CTNNA3: variants seen among roughly 807,000 people sequenced by gnomAD.
CTNNA3 encodes the protein catenin alpha-3.
Under a neutral mutation model 95.7 loss-of-function variants are expected in CTNNA3, and 76 were observed. The observed-to-expected ratio is 0.79, with a 90% CI of 0.66 to 0.96. The LOEUF is 0.96. Ranked by LOEUF, CTNNA3 falls within the 40% of genes least tolerant of loss-of-function variation. CTNNA3 has a pLI of 0.00. For missense variants in CTNNA3, 1,191 were observed against 1,089.8 expected (o/e 1.09, Z -1.31); for synonymous variants, 431 against 374.4 (o/e 1.15, Z -1.74).
intron 12 of CTNNA3, among the ~76,000 whole-genome samples, chr10:66,338,086 G>A (rs1400290546): frequency 6.6e-6 from 1 of 151,880 alleles, no homozygotes; most frequent in Admixed American, 6.6e-5. Context: ...CATAAAATGT[G>A]GTATATCTGC....
intron 12 of CTNNA3, among the ~76,000 whole-genome samples, chr10:66,332,145 G>A (rs2092338235): frequency 6.6e-6 from 1 of 151,976 alleles, no homozygotes; most frequent in Non-Finnish European, 1.5e-5. Flanking sequence ...GAGATTGTGG[G>A]CTGAGACAAT....
chr10:67,485,444 T>C (rs1848407707), intron 5 of CTNNA3, among the ~76,000 whole-genome samples: 1 of 152,108 alleles, frequency 6.6e-6, no homozygotes, highest in Non-Finnish European at 1.5e-5. Flanking sequence ...CCTTAGCAGC[T>C]TGCAATATAA....
intron 1 of CTNNA3, among the ~76,000 whole-genome samples, chr10:67,709,111 GTAGA>G (rs1841093278): frequency 2.0e-5 from 3 of 152,078 alleles, no homozygotes; most frequent in Non-Finnish European, 2.9e-5. Flanking sequence ...AGCTACAAAT[GTAGA>G]TAGATAAGGA....
At chr10:66,666,105 G>A (rs1846442575) in intron 9 of CTNNA3, among the ~76,000 whole-genome samples, 1 of 152,134 alleles carries the variant, frequency 6.6e-6, no homozygotes. Context: ...GTAACCAGTT[G>A]GGGCCAAACA....
At chr10:66,653,654 G>A (rs1307585783) in intron 9 of CTNNA3, among the ~76,000 whole-genome samples, 1 of 151,968 alleles carries the variant, frequency 6.6e-6, no homozygotes, top group Non-Finnish European at 1.5e-5. Context: ...AAGCAATCTT[G>A]AGCCAAAATA....
At chr10:66,396,655 T>C (rs1326646869) in intron 11 of CTNNA3, among the ~76,000 whole-genome samples, 3 of 151,966 alleles carry the variant, frequency 2.0e-5, no homozygotes, top group South Asian at 2.1e-4. Context: ...AGTTTATGGA[T>C]GGGTAGAGTT....
chr10:66,275,842 G>A (rs148051855), intron 13 of CTNNA3, among the ~76,000 whole-genome samples: 110 of 151,914 alleles, frequency 7.2e-4, no homozygotes, highest in African/African-American at 2.6e-3. Flanking sequence ...AAATGTTAAG[G>A]AAGAAAATGA....
At chr10:66,885,330 AC>A (rs1845003696) in intron 7 of CTNNA3, among the ~76,000 whole-genome samples, 1 of 152,100 alleles carries the variant, frequency 6.6e-6, no homozygotes, top group Non-Finnish European at 1.5e-5. Flanking sequence ...ATTAATATGG[AC>A]TGTATTAATG....
At chr10:66,630,797 G>A (rs1845107968) in intron 9 of CTNNA3, among the ~76,000 whole-genome samples, 1 of 152,114 alleles carries the variant, frequency 6.6e-6, no homozygotes, top group Non-Finnish European at 1.5e-5. Flanking sequence ...GGGTTCTGTA[G>A]AATATTTAAC....
chr10:66,189,600 T>TTTTATATATATATATATATATATATATA (rs1554883869), intron 13 of CTNNA3, among the ~76,000 whole-genome samples: 21 of 89,312 alleles, frequency 2.4e-4, no homozygotes, highest in African/African-American at 8.4e-4. Flanking sequence ...TACTATAGAT[T>TTTTATATATATATATATATATATATATA]TATATATATA....
In CTNNA3 at chr10:66,493,599, A is replaced by ATTTTTTTTTT. The variant is rs528761424; in HGVS notation, c.1531+27008_1531+27017dup. Among the ~76,000 whole-genome samples, 522 of 111,988 alleles carry ATTTTTTTTTT rather than the reference A, an allele frequency of 4.7e-3. 53 individuals carry two copies. Among genetic ancestry groups the ATTTTTTTTTT allele is most frequent in the African/African-American group, 0.018 (487 of 26,602 alleles). 73.5% of individuals were successfully genotyped at this position (111,988 alleles called of 152,430 possible). A position where few individuals can be genotyped will look rare whatever the true frequency, so the allele number is the denominator to read the frequency against. On this transcript the variant is annotated intron_variant, in intron 11 of 17. Transcript: ENST00000433211. Reference sequence around the variant, plus strand: ...GGGTTGGCTAACATTTAACTACAGTATTTTTTTTTTTTTTTTTTTTGAGAC... The same window carrying ATTTTTTTTTT: ...GGGTTGGCTAACATTTAACTACAGTATTTTTTTTTTTTTTTTTTTTTTTTTTTTTTGAGAC...
chr10:66,212,855 T>C (rs1162726116), intron 13 of CTNNA3, among the ~76,000 whole-genome samples: 1 of 151,966 alleles, frequency 6.6e-6, no homozygotes, highest in African/African-American at 2.4e-5. Flanking sequence ...ACTACAAAAA[T>C]TAGTAGTTTT....
intron 13 of CTNNA3, among the ~76,000 whole-genome samples, chr10:66,242,693 G>A (rs1461183969): frequency 2.6e-5 from 4 of 152,072 alleles, no homozygotes; most frequent in African/African-American, 2.4e-5. Flanking sequence ...GTGTAAAATC[G>A]TGCAAATATT....
chr10:66,060,473 C>T (rs952806542), intron 15 of CTNNA3, among the ~76,000 whole-genome samples: 6 of 151,712 alleles, frequency 4.0e-5, no homozygotes, highest in East Asian at 1.9e-4. Context: ...CACACTAGCA[C>T]GGAGAGAATG....
chr10:67,562,746 T>C (rs1034348667), intron 3 of CTNNA3, among the ~76,000 whole-genome samples: 6 of 152,172 alleles, frequency 3.9e-5, no homozygotes, highest in African/African-American at 1.4e-4. Flanking sequence ...AACCCCATCA[T>C]CTCAGCCCAA....
chr10:66,791,987 T>C (rs1361813327), intron 7 of CTNNA3, among the ~76,000 whole-genome samples: 1 of 152,222 alleles, frequency 6.6e-6, no homozygotes, highest in Non-Finnish European at 1.5e-5. Flanking sequence ...ACACCACTTC[T>C]ATAGAACTAT....
intron 13 of CTNNA3, among the ~76,000 whole-genome samples, chr10:66,122,507 G>A (rs2082625900): frequency 6.6e-6 from 1 of 152,030 alleles, no homozygotes; most frequent in Non-Finnish European, 1.5e-5. Flanking sequence ...AAGACCAAAC[G>A]GGATAAATAC....
intron 10 of CTNNA3, among the ~76,000 whole-genome samples, chr10:66,532,355 G>T (rs1418680629): frequency 6.6e-6 from 1 of 151,998 alleles, no homozygotes; most frequent in African/African-American, 2.4e-5. Context: ...CCAGCTACTG[G>T]GGAGGCTGAG....
chr10:66,478,533 A>T (rs1839405084), intron 11 of CTNNA3, among the ~76,000 whole-genome samples: 1 of 151,944 alleles, frequency 6.6e-6, no homozygotes, highest in Non-Finnish European at 1.5e-5. Flanking sequence ...ATATGTAAAC[A>T]AATTTCACTG....
Sources: gnomAD v4.1 joint callset for allele counts (sites outside exome capture counted in the v4.1 genomes callset) on GRCh38, gnomAD v4.1.1 for gene constraint, MANE v1.5 for transcripts, NCBI Gene and HGNC (gene_info 2026-07-23, HGNC 2026-07-21) for gene names.